The following MCTS1 variants were observed in gnomAD, a reference collection of about 807,000 sequenced individuals.
The protein encoded by MCTS1 is malignant T-cell-amplified sequence 1.
For missense variants in MCTS1, 55 were observed against 128.6 expected, an observed-to-expected ratio of 0.43 and a Z score of 2.77; for synonymous variants, 26 against 40.8, an observed-to-expected ratio of 0.64 and a Z score of 1.38.
chrX:120,612,350 C>A lies in MCTS1; in HGVS notation c.*86C>A. ...TGTGTGTGACAGCATGAAGATAATGCCTGTGGTTATGCTGAATAAATTCAC... is the reference window on the plus strand; with the variant it reads ...TGTGTGTGACAGCATGAAGATAATGACTGTGGTTATGCTGAATAAATTCAC... On this transcript the variant is annotated 3_prime_UTR_variant, in exon 6 of 6. Coordinates refer to ENST00000371317, the MANE Select transcript of MCTS1 (RefSeq NM_014060.3). 1 of 628,709 alleles carries A rather than the reference C, an allele frequency of 1.6e-6. No homozygotes were observed. Among genetic ancestry groups the A allele is most frequent in the Non-Finnish European group, 2.4e-6 (1 of 416,282 alleles). 51.8% of individuals were successfully genotyped at this position (628,709 alleles called of 1,213,427 possible).
At position 120,605,654 on chromosome X, in the gene MCTS1, C is replaced by T. The variant is rs529365722; in HGVS notation, c.164+95C>T. On this transcript the variant is annotated intron_variant, in intron 2 of 5. Coordinates refer to ENST00000371317, the MANE Select transcript of MCTS1 (RefSeq NM_014060.3). Reference sequence around the variant, plus strand: ...CTAAATGGAATTATTTTCAGATTAACTATTGATAGATTAATAATGGGGTAG... The same window carrying T: ...CTAAATGGAATTATTTTCAGATTAATTATTGATAGATTAATAATGGGGTAG... The T allele has an allele frequency of 1.2e-5, 10 of 856,621 alleles. No homozygotes were observed. In the South Asian group the frequency reaches 2.2e-4, roughly 19 times the overall value. The allele number at this position is 856,621 out of a possible 1,213,427, so 70.6% of individuals were successfully genotyped here. A position where few individuals can be genotyped will look rare whatever the true frequency, so the allele number is the denominator to read the frequency against.
At chrX:120,604,490 C>A in intron 1 of MCTS1, 1 of 536,141 alleles carries the variant, frequency 1.9e-6, no homozygotes, top group Non-Finnish European at 2.8e-6. Flanking sequence ...ACCCCTCTTT[C>A]TCTTTTGCCC....
chrX:120,604,568 A>T, intron 1 of MCTS1: 2 of 682,950 alleles, frequency 2.9e-6, no homozygotes, highest in Non-Finnish European at 4.0e-6. Flanking sequence ...ATTTAGAGGC[A>T]TATTCTCTGT....
Position 120,618,137 on chromosome X carries a change from C to T in MCTS1, c.*5873C>T, listed in dbSNP as rs1288474035. On this transcript the variant is annotated 3_prime_UTR_variant, in exon 6 of 6. Transcript: ENST00000371317. ...ATGATGAAACGGCATGTCAGTTTGA[C>T]ACTGTCTATTAATAGTCCTTGAGTG... Among the ~76,000 whole-genome samples, 1 of 112,761 alleles carries T rather than the reference C, an allele frequency of 8.9e-6. No homozygotes were observed. Among genetic ancestry groups the T allele is most frequent in the Non-Finnish European group, 1.9e-5 (1 of 53,411 alleles).
In MCTS1 at chrX:120,619,405, T is replaced by C. The variant is rs773381414; in HGVS notation, c.*7141T>C. Among the ~76,000 whole-genome samples the C allele has an allele frequency of 5.4e-5, 6 of 110,743 alleles. No individual in the cohort carries two copies. The South Asian group carries it at 2.3e-3, about 43-fold the overall frequency. On this transcript the variant is annotated 3_prime_UTR_variant, in exon 6 of 6. Coordinates refer to ENST00000371317, the MANE Select transcript of MCTS1 (RefSeq NM_014060.3). ...ACCATGTGCACAAGCTCTACTTATA[T>C]ATCTTGCTTAATCTTAGCAATGATT...
intron 5 of MCTS1, 73 bp from the exon 6 acceptor site, chrX:120,612,110 G>T: frequency 3.9e-6 from 3 of 765,085 alleles, no homozygotes. Context: ...AATATACTTT[G>T]AATTATATTT....
At position 120,617,744 on chromosome X, in the gene MCTS1, G is replaced by A. The variant is rs991108468; in HGVS notation, c.*5480G>A. Among the ~76,000 whole-genome samples, 1 of 111,728 alleles carries A rather than the reference G, an allele frequency of 9.0e-6. No homozygotes were observed. Among genetic ancestry groups the A allele is most frequent in the Admixed American group, 9.5e-5 (1 of 10,481 alleles). On this transcript the variant is annotated 3_prime_UTR_variant, in exon 6 of 6. Coordinates refer to ENST00000371317, the MANE Select transcript of MCTS1 (RefSeq NM_014060.3). ...ATTTTAATTTCTTATCACAAGACTC[G>A]ATTGTCAATAACTGTTAACGTCCAT... is the stretch of plus-strand genomic sequence containing the variant.
rs1026013098 is a variant in MCTS1, at chrX:120,604,852, A to G, written c.12-555A>G. Reference sequence around the variant, plus strand: ...GGTAGACGCAAAAAGCAAAGGGGGAACATGGGCAAAGGAAGGTGGGTTTTG... The same window carrying G: ...GGTAGACGCAAAAAGCAAAGGGGGAGCATGGGCAAAGGAAGGTGGGTTTTG... On this transcript the variant is annotated intron_variant, in intron 1 of 5. Coordinates refer to ENST00000371317, the MANE Select transcript of MCTS1 (RefSeq NM_014060.3). 8 of 1,157,635 alleles carry G rather than the reference A, an allele frequency of 6.9e-6. No individual in the cohort carries two copies. The African/African-American group carries it at 9.1e-5, about 13-fold the overall frequency.
At chrX:120,611,192 A>C (rs1346744574) in intron 5 of MCTS1, 114 bp downstream of exon 5, 9 of 598,714 alleles carry the variant, frequency 1.5e-5, no homozygotes, top group Non-Finnish European at 2.4e-5. Context: ...CAAATATCCA[A>C]GCACAGAAGC....
chrX:120,605,007 T>C (rs759547309), intron 1 of MCTS1: 12 of 642,364 alleles, frequency 1.9e-5, no homozygotes, highest in Non-Finnish European at 2.4e-5. Flanking sequence ...GTTGGTCTTT[T>C]GTATCTCAAG....
At position 120,619,377 on chromosome X, in the gene MCTS1, C is replaced by T. The variant is rs1335576163; in HGVS notation, c.*7113C>T. On this transcript the variant is annotated 3_prime_UTR_variant, in exon 6 of 6. Transcript: ENST00000371317. ...AAGGAGAAATAACATTCTCCAAGTA[C>T]CTACCATGTGCACAAGCTCTACTTA... Among the ~76,000 whole-genome samples the T allele has an allele frequency of 9.0e-6, 1 of 110,744 alleles. No homozygotes were observed. Among genetic ancestry groups the T allele is most frequent in the Non-Finnish European group, 1.9e-5 (1 of 52,892 alleles).
intron 4 of MCTS1, among the ~76,000 whole-genome samples, chrX:120,610,591 C>T (rs1926662806): frequency 8.9e-6 from 1 of 112,518 alleles, no homozygotes; most frequent in African/African-American, 3.2e-5. Context: ...CCAGCCTGGG[C>T]AACAGAGTGA....
rs1027886758 is a variant in MCTS1 at position 120,620,310 on chromosome X, AAACC to A, written c.*8053_*8056del. ...ACAACAGAGCGAAACTCCGTCTCAA[AAACC>A]AACCAAACAAAAAACAAAAATTAGC... On this transcript the variant is annotated 3_prime_UTR_variant, in exon 6 of 6. Transcript: ENST00000371317. Among the ~76,000 whole-genome samples the A allele has an allele frequency of 1.9e-5, 2 of 107,481 alleles. No individual in the cohort carries two copies. Among genetic ancestry groups the A allele is most frequent in the African/African-American group, 6.8e-5 (2 of 29,330 alleles). The allele number at this position is 107,481 out of a possible 115,157, so 93.3% of individuals were successfully genotyped here.
chrX:120,608,559 T>TTTCTTAGAAGTTAAA (rs762055133), intron 4 of MCTS1: 7 of 368,560 alleles, frequency 1.9e-5, no homozygotes, highest in Non-Finnish European at 2.6e-5. Context: ...TCTTAGGTCG[T>TTTCTTAGAAGTTAAA]TTCTTAGAAG....
At chrX:120,610,790 AG>A (rs1926667438) in intron 4 of MCTS1, 1 of 334,014 alleles carries the variant, frequency 3.0e-6, no homozygotes, top group Non-Finnish European at 5.3e-6. Flanking sequence ...TTGAAAGAAA[AG>A]GGGTTATTAG....
intron 3 of MCTS1, among the ~76,000 whole-genome samples, chrX:120,606,935 A>C (rs1170686857): frequency 8.9e-6 from 1 of 112,068 alleles, no homozygotes; most frequent in African/African-American, 3.2e-5. Context: ...AACAACAATT[A>C]GATAATTACG....
intron 1 of MCTS1, 114 bp downstream of exon 1, chrX:120,604,361 C>T: frequency 1.0e-6 from 1 of 1,004,972 alleles, no homozygotes; most frequent in Non-Finnish European, 1.4e-6. Flanking sequence ...GCCATCCTGA[C>T]TCCCTAAGGT....
rs1926976017 is a variant in MCTS1 at position 120,620,114 on chromosome X, A to T, written c.*7850A>T. ...ATCACGAGGTCAGGAGATCGAGACC[A>T]TCCTGGCTAACGTGAAACCCCGTCT... On this transcript the variant is annotated 3_prime_UTR_variant, in exon 6 of 6. Coordinates refer to ENST00000371317, the MANE Select transcript of MCTS1 (RefSeq NM_014060.3). Among the ~76,000 whole-genome samples, 1 of 110,248 alleles carries T rather than the reference A, an allele frequency of 9.1e-6. No homozygotes were observed. Among genetic ancestry groups the T allele is most frequent in the African/African-American group, 3.3e-5 (1 of 30,197 alleles).
At position 120,618,623 on chromosome X, in the gene MCTS1, C is replaced by G. The variant is rs1210928841; in HGVS notation, c.*6359C>G. Among the ~76,000 whole-genome samples the G allele has an allele frequency of 1.8e-5, 2 of 112,437 alleles. No individual in the cohort carries two copies. The highest frequency in any genetic ancestry group is 3.8e-5 in the Non-Finnish European group (2 of 53,319). On this transcript the variant is annotated 3_prime_UTR_variant, in exon 6 of 6. Transcript: ENST00000371317. The stretch of plus-strand genomic sequence containing the variant: ...TCATTTAATGGGATAATAGCAATCT[C>G]TAACCCATCAAATTAATATCTACTA...
Sources: allele counts gnomAD v4.1 joint callset (sites outside exome capture counted in the v4.1 genomes callset), GRCh38; gene constraint gnomAD v4.1.1; transcripts MANE v1.5; gene names NCBI Gene and HGNC (gene_info 2026-07-23, HGNC 2026-07-21).